The following CSMD1 variants were observed in gnomAD, a reference collection of about 807,000 sequenced individuals.
The protein encoded by CSMD1 is CUB and sushi domain-containing protein 1.
A neutral mutation model predicts 417.5 loss-of-function variants in CSMD1; 213 were observed. That is an observed-to-expected ratio of 0.51 (90% CI 0.46 to 0.57). CSMD1 has a LOEUF of 0.57. CSMD1 is among the 20% of genes least tolerant of loss of function. The pLI is 0.00. For synonymous variants in CSMD1, 2,862 were observed against 1,736.8 expected (o/e 1.65, Z -16.11); for missense variants, 6,923 against 4,529.7 (o/e 1.53, Z -15.17).
chr8:4,417,718 G>C (rs530319684), intron 3 of CSMD1, among the ~76,000 whole-genome samples: 2 of 151,952 alleles, frequency 1.3e-5, no homozygotes, highest in Admixed American at 6.6e-5. Context: ...TGAGGTATCA[G>C]AAAGAGAATT....
At chr8:3,952,239 G>C (rs1811644738) in intron 5 of CSMD1, among the ~76,000 whole-genome samples, 1 of 152,048 alleles carries the variant, frequency 6.6e-6, no homozygotes, top group Admixed American at 6.6e-5. Flanking sequence ...GATGGTATGG[G>C]CCTTCCTCAC....
At chr8:4,068,012 C>A (rs190896500) in intron 3 of CSMD1, among the ~76,000 whole-genome samples, 8 of 151,822 alleles carry the variant, frequency 5.3e-5, no homozygotes, top group African/African-American at 1.9e-4. Flanking sequence ...TGAGTGGGGG[C>A]GAAGGTTGCA....
Position 4,041,402 on chromosome 8 carries a change from A to G in CSMD1, c.416-9303T>C, listed in dbSNP as rs567844744. Among the ~76,000 whole-genome samples, 14 of 152,340 alleles carry G rather than the reference A, an allele frequency of 9.2e-5. No homozygotes were observed. The South Asian group carries it at 2.1e-3, about 23-fold the overall frequency. On this transcript the variant is annotated intron_variant, in intron 3 of 69. Transcript: ENST00000635120. ...TGACAAGAATTGTTAAATGCAAATC[A>G]AGCTTACTACTACGAAAAAAGCAAC... is the stretch of plus-strand genomic sequence containing the variant.
chr8:4,279,788 A>G (rs1056905446), intron 3 of CSMD1, among the ~76,000 whole-genome samples: 1 of 152,204 alleles, frequency 6.6e-6, no homozygotes, highest in Non-Finnish European at 1.5e-5. Context: ...GGAGGAGGCC[A>G]GGAGTGTTGG....
chr8:4,050,909 G>A (rs73658554), intron 3 of CSMD1, among the ~76,000 whole-genome samples: 5,780 of 152,106 alleles, frequency 0.038, 348 homozygotes, highest in African/African-American at 0.12. Flanking sequence ...ACCTTTACGT[G>A]AGTCTTGAAG....
At chr8:3,849,083 C>T (rs902438644) in intron 5 of CSMD1, among the ~76,000 whole-genome samples, 1 of 151,980 alleles carries the variant, frequency 6.6e-6, no homozygotes, top group African/African-American at 2.4e-5. Context: ...TTCCATTTAA[C>T]AGTTGAAGGG....
intron 2 of CSMD1, among the ~76,000 whole-genome samples, chr8:4,560,793 A>C (rs1476021143): frequency 2.0e-5 from 3 of 152,126 alleles, no homozygotes; most frequent in Non-Finnish European, 4.4e-5. Context: ...TAGCCTGAAG[A>C]CTTCCTAATG....
At chr8:3,302,601 A>T (rs1240479574) in intron 25 of CSMD1, among the ~76,000 whole-genome samples, 2 of 152,244 alleles carry the variant, frequency 1.3e-5, no homozygotes, top group African/African-American at 2.4e-5. Context: ...AGCAAAGAAG[A>T]CAACACAACT....
At position 3,678,322 on chromosome 8, in the gene CSMD1, C is replaced by G. The variant is rs113588136; in HGVS notation, c.1009+30092G>C. Among the ~76,000 whole-genome samples the G allele has an allele frequency of 1.6e-3, 246 of 152,220 alleles. 3 individuals carry two copies. Among genetic ancestry groups the G allele is most frequent in the African/African-American group, 5.7e-3 (235 of 41,524 alleles). The stretch of plus-strand genomic sequence containing the variant: ...TAGACGAATGGCTAACTAGAATAAC[C>G]AATGCAGAGAAGTCTTTAAAGGACC... On this transcript the variant is annotated intron_variant, in intron 7 of 69. Coordinates refer to ENST00000635120, the MANE Select transcript of CSMD1 (RefSeq NM_033225.6).
At chr8:4,311,835 G>A (rs986305182) in intron 3 of CSMD1, among the ~76,000 whole-genome samples, 6 of 151,930 alleles carry the variant, frequency 3.9e-5, no homozygotes, top group African/African-American at 1.5e-4. Context: ...GCGAAGGAGA[G>A]GAGCGGAAAA....
At chr8:3,118,100 C>T (rs896741422) in intron 42 of CSMD1, among the ~76,000 whole-genome samples, 1 of 152,188 alleles carries the variant, frequency 6.6e-6, no homozygotes, top group Non-Finnish European at 1.5e-5. Flanking sequence ...GGAGATTTCC[C>T]TGATGGCTTC....
At position 3,114,839 on chromosome 8, in the gene CSMD1, A is replaced by G. The variant is rs78407687; in HGVS notation, c.6430+3560T>C. Among the ~76,000 whole-genome samples, 16 of 152,194 alleles carry G rather than the reference A, an allele frequency of 1.1e-4. No individual in the cohort carries two copies. The East Asian group carries it at 2.3e-3, about 22-fold the overall frequency. Reference sequence around the variant, plus strand: ...TTAGCTGCTTGCATTTCTCATGTCAATTTTGCAATAAAATTGTTTTCTGCT... The same window carrying G: ...TTAGCTGCTTGCATTTCTCATGTCAGTTTTGCAATAAAATTGTTTTCTGCT... On this transcript the variant is annotated intron_variant, in intron 42 of 69. Transcript: ENST00000635120.
chr8:4,943,069 G>T (rs979066981), intron 1 of CSMD1, among the ~76,000 whole-genome samples: 1 of 152,112 alleles, frequency 6.6e-6, no homozygotes, highest in African/African-American at 2.4e-5. Context: ...GAAAGTAATT[G>T]TTCATAACAG....
intron 5 of CSMD1, among the ~76,000 whole-genome samples, chr8:3,938,127 T>C (rs577654014): frequency 6.6e-6 from 1 of 152,258 alleles, no homozygotes; most frequent in East Asian, 1.9e-4. Context: ...AAATGTTAGA[T>C]GTAAATAAAT....
At chr8:4,108,037 G>C (rs1585328465) in intron 3 of CSMD1, among the ~76,000 whole-genome samples, 1 of 149,990 alleles carries the variant, frequency 6.7e-6, no homozygotes, top group Non-Finnish European at 1.5e-5. Context: ...GAGAGAGAGA[G>C]AGAAAGAGAG....
intron 6 of CSMD1, among the ~76,000 whole-genome samples, chr8:3,719,080 G>A (rs1474922156): frequency 6.6e-6 from 1 of 152,186 alleles, no homozygotes; most frequent in Admixed American, 6.5e-5. Context: ...GTGGAAAACA[G>A]AGGTGTCTCA....
intron 5 of CSMD1, among the ~76,000 whole-genome samples, chr8:3,909,616 T>C (rs1474136280): frequency 1.3e-5 from 2 of 152,056 alleles, no homozygotes; most frequent in Admixed American, 1.3e-4. Flanking sequence ...TCTGTTAGGC[T>C]CAGGAGCTTG....
At chr8:4,777,773 A>G (rs1323272885) in intron 1 of CSMD1, among the ~76,000 whole-genome samples, 1 of 152,218 alleles carries the variant, frequency 6.6e-6, no homozygotes, top group Non-Finnish European at 1.5e-5. Flanking sequence ...CTACACAAAA[A>G]GAAGTCAAAG....
At chr8:3,203,844 C>T (rs1465380175) in intron 31 of CSMD1, among the ~76,000 whole-genome samples, 3 of 152,264 alleles carry the variant, frequency 2.0e-5, no homozygotes, top group East Asian at 1.9e-4. Context: ...TATCGCTTCG[C>T]ATTTTCAGCC....
Sources: gnomAD v4.1 joint callset for allele counts (sites outside exome capture counted in the v4.1 genomes callset) on GRCh38, gnomAD v4.1.1 for gene constraint, MANE v1.5 for transcripts, NCBI Gene and HGNC (gene_info 2026-07-23, HGNC 2026-07-21) for gene names.